ITGA4: variants seen among roughly 807,000 people sequenced by gnomAD.
ITGA4 encodes the protein integrin alpha-4.
Under a neutral mutation model 133.6 loss-of-function variants are expected in ITGA4, and 63 were observed. The ratio of observed to expected loss-of-function variants is 0.47; its 90% CI spans 0.38 to 0.58. ITGA4 has a LOEUF of 0.58. Among genes scored for constraint, ITGA4 ranks in the 20% least tolerant of loss-of-function variants. The probability of loss-of-function intolerance (pLI) is 0.00; values close to 1 mark genes in which losing one functional copy is unlikely to be tolerated. For synonymous variants in ITGA4, 483 were observed against 438.0 expected, an observed-to-expected ratio of 1.10 and a Z score of -1.28; for missense variants, 1,076 against 1,252.7, an observed-to-expected ratio of 0.86 and a Z score of 2.13.
Position 181,538,302 on chromosome 2 carries a change from A to G in ITGA4, c.*2775A>G, listed in dbSNP as rs1559066090. The G allele has an allele frequency of 2.3e-5, 23 of 987,776 alleles. No homozygotes were observed. Among genetic ancestry groups the G allele is most frequent in the Non-Finnish European group, 4.9e-6 (3 of 616,200 alleles). 61.2% of individuals were successfully genotyped at this position (987,776 alleles called of 1,614,324 possible). ...TTTTGTTGTTTTTCACATACACCTA[A>G]TAAGTATGGTACACAATGCCAATGC... is the stretch of plus-strand genomic sequence containing the variant. On this transcript the variant is annotated 3_prime_UTR_variant, in exon 28 of 28. Coordinates refer to ENST00000397033, the MANE Select transcript of ITGA4 (RefSeq NM_000885.6).
At chr2:181,468,780 TA>T (rs947394964) in intron 2 of ITGA4, among the ~76,000 whole-genome samples, 4 of 151,844 alleles carry the variant, frequency 2.6e-5, no homozygotes, top group Non-Finnish European at 5.9e-5. Flanking sequence ...TTTCCCAAAT[TA>T]AAAAAAATAG....
intron 2 of ITGA4, among the ~76,000 whole-genome samples, chr2:181,471,669 C>G (rs1685554249): frequency 6.6e-6 from 1 of 152,132 alleles, no homozygotes. Context: ...GAGATTACAT[C>G]TAGTGGCATT....
At chr2:181,472,798 C>T (rs1685586035) in intron 2 of ITGA4, among the ~76,000 whole-genome samples, 1 of 152,162 alleles carries the variant, frequency 6.6e-6, no homozygotes, top group African/African-American at 2.4e-5. Context: ...CTCCTACCAT[C>T]TTCCCTCTGT....
rs1167177481 is a variant in ITGA4, at chr2:181,537,134, T to C, written c.*1607T>C. 1 of 453,600 alleles carries C rather than the reference T, an allele frequency of 2.2e-6. No homozygotes were observed. Among genetic ancestry groups the C allele is most frequent in the Non-Finnish European group, 4.4e-6 (1 of 226,644 alleles). The allele number at this position is 453,600 out of a possible 1,614,324, so 28.1% of individuals were successfully genotyped here. On this transcript the variant is annotated 3_prime_UTR_variant, in exon 28 of 28. Transcript: ENST00000397033. ...ACATTTATGTATTTTTAAAAAACTT[T>C]GTATCGTTATAAAAAGGCTAGTCAT...
At chr2:181,514,492 C>A (rs2105759663) in intron 17 of ITGA4, among the ~76,000 whole-genome samples, 1 of 151,876 alleles carries the variant, frequency 6.6e-6, no homozygotes, top group Admixed American at 6.6e-5. Flanking sequence ...AATCCAGAAA[C>A]AGAGACTACG....
chr2:181,510,772 T>C (rs1686491121), intron 16 of ITGA4, among the ~76,000 whole-genome samples: 1 of 152,066 alleles, frequency 6.6e-6, no homozygotes, highest in African/African-American at 2.4e-5. Context: ...TGAACTTCAG[T>C]TGTCAACATC....
chr2:181,486,294 A>G (rs1685917137), intron 10 of ITGA4: 1 of 237,426 alleles, frequency 4.2e-6, no homozygotes, highest in East Asian at 1.1e-4. Flanking sequence ...AAGCTGTTAC[A>G]CCCACCATTT....
intron 4 of ITGA4, chr2:181,475,771 T>C: frequency 6.4e-7 from 1 of 1,562,270 alleles, no homozygotes; most frequent in Non-Finnish European, 8.7e-7. Context: ...AGCAAGAGAT[T>C]CGTGTCTTGA....
chr2:181,472,052 TAGTAAGTG>T (rs1270450361), intron 2 of ITGA4, among the ~76,000 whole-genome samples: 1 of 152,152 alleles, frequency 6.6e-6, no homozygotes, highest in African/African-American at 2.4e-5. Context: ...GAAGTGATGT[TAGTAAGTG>T]AGAAAGTGAG....
chr2:181,531,783 A>T lies in ITGA4; in HGVS notation c.2784+7A>T. 2.5e-6 allele frequency: 4 copies of T among 1,596,264 alleles called. No individual in the cohort carries two copies. Among genetic ancestry groups the T allele is most frequent in the Non-Finnish European group, 3.4e-6 (4 of 1,172,718 alleles). ...GCCATCCATTTTAGAAATGGTAAGT[A>T]AGTCTAAAACATTGACAACTTGGTG... On this transcript the variant is annotated splice_region_variant and intron_variant, in intron 25 of 27. Transcript: ENST00000397033.
intron 10 of ITGA4, among the ~76,000 whole-genome samples, chr2:181,488,553 C>CT (rs1371505170): frequency 6.6e-6 from 1 of 151,534 alleles, no homozygotes; most frequent in Non-Finnish European, 1.5e-5. Context: ...TGGTCCAGTT[C>CT]TTTTTTTATT....
rs577648161 is a variant in ITGA4, at chr2:181,471,152, T to A, written c.320-3808T>A. Among the ~76,000 whole-genome samples, 219 of 152,354 alleles carry A rather than the reference T, an allele frequency of 1.4e-3. 1 individual carries two copies. Among genetic ancestry groups the A allele is most frequent in the African/African-American group, 5.0e-3 (207 of 41,570 alleles). Reference sequence around the variant, plus strand: ...TGTTTCATGACTATTTCCATGAACTTTCTTTCTGGCTATGCATTCATTCTT... The same window carrying A: ...TGTTTCATGACTATTTCCATGAACTATCTTTCTGGCTATGCATTCATTCTT... On this transcript the variant is annotated intron_variant, in intron 2 of 27. Transcript: ENST00000397033.
rs527827478 is a variant in ITGA4 at position 181,499,558 on chromosome 2, A to G, written c.1695+781A>G. Among the ~76,000 whole-genome samples the G allele has an allele frequency of 3.8e-4, 58 of 152,278 alleles. 1 individual carries two copies. In the Middle Eastern group the frequency reaches 0.014, roughly 36 times the overall value. On this transcript the variant is annotated intron_variant, in intron 15 of 27. Coordinates refer to ENST00000397033, the MANE Select transcript of ITGA4 (RefSeq NM_000885.6). ...AAATAGTAGCTTCAGCTTAGGGCTTAATTTTCCCTTAGATACTTATTCCAA... is the reference window on the plus strand; with the variant it reads ...AAATAGTAGCTTCAGCTTAGGGCTTGATTTTCCCTTAGATACTTATTCCAA...
rs1469815501 is a variant in ITGA4 at position 181,526,853 on chromosome 2, TAA to T, written c.2340-443_2340-442del. 1.5e-5 allele frequency among the ~76,000 whole-genome samples: 2 copies of T among 132,628 alleles called. 1 individual carries two copies. The highest frequency in any genetic ancestry group is 3.1e-5 in the Non-Finnish European group (2 of 63,598). 87.0% of individuals were successfully genotyped at this position (132,628 alleles called of 152,430 possible). On this transcript the variant is annotated intron_variant, in intron 21 of 27. Transcript: ENST00000397033. ...TTTTTTTTTTTTTTTTTTTTTTTTT[TAA>T]GAGTCTCGCTCTATTGCCCATGCTG...
At chr2:181,533,038 TCAA>T (rs201969539) in intron 25 of ITGA4, among the ~76,000 whole-genome samples, 26 of 149,718 alleles carry the variant, frequency 1.7e-4, no homozygotes, top group East Asian at 6.0e-4. Flanking sequence ...AAATCAAAAT[TCAA>T]CAACAAAAAC....
At chr2:181,458,488 C>A in intron 2 of ITGA4, 171 bp downstream of exon 2, 1 of 697,724 alleles carries the variant, frequency 1.4e-6, no homozygotes, top group Non-Finnish European at 2.4e-6. Context: ...AAAGGGATTC[C>A]CTTTCTGTTA....
chr2:181,494,479 A>G (rs1182653292), intron 11 of ITGA4, among the ~76,000 whole-genome samples: 1 of 152,190 alleles, frequency 6.6e-6, no homozygotes, highest in Non-Finnish European at 1.5e-5. Context: ...ATTTCAGAAA[A>G]TCTGTACAGC....
chr2:181,491,986 A>G (rs577982704), intron 10 of ITGA4, among the ~76,000 whole-genome samples: 1 of 152,336 alleles, frequency 6.6e-6, no homozygotes, highest in Admixed American at 6.5e-5. Context: ...CATCTTGGGC[A>G]TCATTTTCTA....
chr2:181,468,126 T>C (rs919253125), intron 2 of ITGA4, among the ~76,000 whole-genome samples: 6 of 152,220 alleles, frequency 3.9e-5, no homozygotes, highest in Non-Finnish European at 8.8e-5. Flanking sequence ...TACTCCACAG[T>C]CCTTGCAGAA....
Sources: gnomAD v4.1 joint callset for allele counts (sites outside exome capture counted in the v4.1 genomes callset) on GRCh38, gnomAD v4.1.1 for gene constraint, MANE v1.5 for transcripts, NCBI Gene and HGNC (gene_info 2026-07-23, HGNC 2026-07-21) for gene names.